The following NCAM1 variants were observed in gnomAD, a reference collection of about 807,000 sequenced individuals.
NCAM1 encodes the protein neural cell adhesion molecule 1.
In NCAM1, 14 loss-of-function variants were observed where a neutral mutation model predicts 109.8. That is an observed-to-expected ratio of 0.13 (90% CI 0.08 to 0.20). The LOEUF (loss-of-function observed/expected upper bound fraction) is 0.20, where lower values mean the gene tolerates loss of function less well. Ranked by LOEUF, NCAM1 falls within the 10% of genes least tolerant of loss-of-function variation. The probability of loss-of-function intolerance (pLI) is 1.00; values close to 1 mark genes in which losing one functional copy is unlikely to be tolerated. For synonymous variants in NCAM1, 418 were observed against 442.9 expected, an observed-to-expected ratio of 0.94 and a Z score of 0.70; for missense variants, 774 against 1,109.9, an observed-to-expected ratio of 0.70 and a Z score of 4.30.
chr11:113,231,831 G>A (rs782131663), intron 10 of NCAM1, 36 bp downstream of exon 10: 4 of 1,612,860 alleles, frequency 2.5e-6, no homozygotes, highest in African/African-American at 2.7e-5. Flanking sequence ...GGGGGAGGGA[G>A]GGGCAAGGCA....
At chr11:113,055,548 A>G (rs1309642007) in intron 1 of NCAM1, among the ~76,000 whole-genome samples, 1 of 152,170 alleles carries the variant, frequency 6.6e-6, no homozygotes, top group East Asian at 1.9e-4. Flanking sequence ...TTCCCTTAAC[A>G]TATTCCTGCT....
chr11:113,048,659 T>C (rs1953353867), intron 1 of NCAM1, among the ~76,000 whole-genome samples: 1 of 152,216 alleles, frequency 6.6e-6, no homozygotes, highest in Non-Finnish European at 1.5e-5. Flanking sequence ...CTGTAAGGCA[T>C]CCATGGTCTA....
chr11:112,981,322 A>T (rs1459088399), intron 1 of NCAM1, among the ~76,000 whole-genome samples: 1 of 151,954 alleles, frequency 6.6e-6, no homozygotes, highest in Non-Finnish European at 1.5e-5. Context: ...TACACAATAG[A>T]TACGGTTGCA....
In NCAM1 at chr11:112,963,553, C is replaced by G. The variant is rs1950634005; in HGVS notation, c.52+1889C>G. 4 of 152,334 alleles carry G rather than the reference C, an allele frequency of 2.6e-5. No individual in the cohort carries two copies. Among genetic ancestry groups the G allele is most frequent in the Admixed American group, 2.6e-4 (4 of 15,290 alleles). The allele number at this position is 152,334 out of a possible 1,614,324, so 9.4% of individuals were successfully genotyped here. A position where few individuals can be genotyped will look rare whatever the true frequency, so the allele number is the denominator to read the frequency against. On this transcript the variant is annotated intron_variant, in intron 1 of 19. Transcript: ENST00000316851. The surrounding 1 kb of genome is among the most constrained non-coding windows in gnomAD (Gnocchi z 4.6). ...AGGGGTGGGGACCAAGCCTAGTCCGCCTGGCCCTGGGTCTCCGCTGCCACC... is the reference window on the plus strand; with the variant it reads ...AGGGGTGGGGACCAAGCCTAGTCCGGCTGGCCCTGGGTCTCCGCTGCCACC...
chr11:113,108,069 A>G (rs563572555), intron 1 of NCAM1, among the ~76,000 whole-genome samples: 156 of 152,320 alleles, frequency 1.0e-3, no homozygotes, highest in African/African-American at 3.3e-3. Flanking sequence ...AGATGAATTA[A>G]ACCAACGTTG....
In NCAM1 at chr11:112,995,228, T is replaced by A. The variant is rs180723420; in HGVS notation, c.52+33564T>A. On this transcript the variant is annotated intron_variant, in intron 1 of 19. Coordinates refer to ENST00000316851, the MANE Select transcript of NCAM1 (RefSeq NM_181351.5). ...AATACATAAGCATTAAAAGGACATATGAAAAATAATGAGATTTATGGTGGA... is the reference window on the plus strand; with the variant it reads ...AATACATAAGCATTAAAAGGACATAAGAAAAATAATGAGATTTATGGTGGA... 2.0e-5 allele frequency among the ~76,000 whole-genome samples: 3 copies of A among 152,286 alleles called. No homozygotes were observed. The East Asian group carries it at 5.8e-4, about 29-fold the overall frequency.
At chr11:113,136,453 C>T (rs1555099477) in intron 1 of NCAM1, among the ~76,000 whole-genome samples, 2 of 152,118 alleles carry the variant, frequency 1.3e-5, no homozygotes, top group South Asian at 4.1e-4. Context: ...GGAGCAAGGC[C>T]CCCCAGTGAG....
At chr11:113,229,220 C>T (rs1336594701) in intron 9 of NCAM1, among the ~76,000 whole-genome samples, 4 of 149,422 alleles carry the variant, frequency 2.7e-5, no homozygotes, top group Admixed American at 1.3e-4. Context: ...CTACAATGAA[C>T]TCAAACAAAT....
At chr11:113,099,351 A>C (rs1179546362) in intron 1 of NCAM1, among the ~76,000 whole-genome samples, 4 of 152,116 alleles carry the variant, frequency 2.6e-5, no homozygotes, top group Non-Finnish European at 5.9e-5. Context: ...TGATATATTC[A>C]TTGTCTGCTG....
chr11:113,097,608 T>G (rs77508304), intron 1 of NCAM1, among the ~76,000 whole-genome samples: 1 of 27,556 alleles, frequency 3.6e-5, no homozygotes, highest in African/African-American at 1.6e-4. Context: ...ACTTGGGCTT[T>G]TTTTTTTTTT....
chr11:113,221,432 C>A, intron 9 of NCAM1, 107 bp downstream of exon 9: 1 of 1,216,874 alleles, frequency 8.2e-7, no homozygotes, highest in Non-Finnish European at 1.2e-6. Context: ...AGTAATTTAG[C>A]TAAAGAATAG....
intron 1 of NCAM1, among the ~76,000 whole-genome samples, chr11:113,142,080 T>C (rs1195490088): frequency 6.6e-6 from 1 of 152,104 alleles, no homozygotes; most frequent in East Asian, 1.9e-4. Flanking sequence ...GTCAAACACG[T>C]TGATTCTAGT....
At chr11:113,150,924 G>A (rs1436523885) in intron 1 of NCAM1, among the ~76,000 whole-genome samples, 1 of 152,212 alleles carries the variant, frequency 6.6e-6, no homozygotes, top group East Asian at 1.9e-4. Context: ...GGAATTATGG[G>A]AGAGGAAGCC....
intron 6 of NCAM1, among the ~76,000 whole-genome samples, 153 bp from the exon 7 acceptor site, chr11:113,207,680 G>A (rs934338182): frequency 1.3e-5 from 2 of 152,286 alleles, no homozygotes; most frequent in East Asian, 3.9e-4. Flanking sequence ...AATAAGAGGT[G>A]TATGTGGACG....
At chr11:113,203,336 G>A (rs140015221) in intron 2 of NCAM1, among the ~76,000 whole-genome samples, 3 of 152,316 alleles carry the variant, frequency 2.0e-5, no homozygotes, top group African/African-American at 4.8e-5. Flanking sequence ...AGACGCAGCC[G>A]TGGAGCCCAC....
chr11:113,109,447 C>T (rs1289693221), intron 1 of NCAM1, among the ~76,000 whole-genome samples: 1 of 151,778 alleles, frequency 6.6e-6, no homozygotes, highest in African/African-American at 2.4e-5. Flanking sequence ...CTGGCCTGTG[C>T]AGCTAGTGCT....
At chr11:113,077,688 C>CTTTTT (rs10535004) in intron 1 of NCAM1, among the ~76,000 whole-genome samples, 1 of 145,610 alleles carries the variant, frequency 6.9e-6, no homozygotes. Flanking sequence ...TAAGGAAGTA[C>CTTTTT]TTTTTTTTTT....
chr11:113,102,117 C>A (rs1294973724), intron 1 of NCAM1, among the ~76,000 whole-genome samples: 1 of 152,152 alleles, frequency 6.6e-6, no homozygotes, highest in Non-Finnish European at 1.5e-5. Context: ...ATAAACTCTA[C>A]CCTTGTATAA....
At chr11:113,063,599 A>G (rs1194243173) in intron 1 of NCAM1, among the ~76,000 whole-genome samples, 1 of 152,182 alleles carries the variant, frequency 6.6e-6, no homozygotes, top group African/African-American at 2.4e-5. Context: ...GAGGAGGCAC[A>G]CCGTGGGCCC....
Sources: allele counts gnomAD v4.1 joint callset (sites outside exome capture counted in the v4.1 genomes callset), GRCh38; gene constraint gnomAD v4.1.1; non-coding constraint Gnocchi (gnomAD v3.1); transcripts MANE v1.5; gene names NCBI Gene and HGNC (gene_info 2026-07-23, HGNC 2026-07-21).